Variants in EGFL7 observed in about 807,000 individuals in gnomAD.
The protein encoded by EGFL7 is EGF like domain multiple 7.
A neutral mutation model predicts 37.1 loss-of-function variants in EGFL7; 48 were observed. That is an observed-to-expected ratio of 1.29 (90% CI 1.03 to 1.65). The LOEUF is 1.65. Among genes scored for constraint, EGFL7 ranks in the 40% most tolerant of loss-of-function variants. The pLI is 0.00. For synonymous variants in EGFL7, 180 were observed against 156.8 expected, an observed-to-expected ratio of 1.15 and a Z score of -1.10; for missense variants, 384 against 378.9, an observed-to-expected ratio of 1.01 and a Z score of -0.11.
Position 136,663,467 on chromosome 9 carries a change from G to A in EGFL7, c.-293G>A, listed in dbSNP as rs1009549575. ...GGCTGGGCCCGCTGTGAGGGGCTTC[G>A]CGCTACGCCCTGCGGTGTCCCGAGG... On this transcript the variant is annotated 5_prime_UTR_variant, in exon 2 of 11. Coordinates refer to ENST00000308874, the MANE Select transcript of EGFL7 (RefSeq NM_016215.5). 4 of 152,310 alleles carry A rather than the reference G, an allele frequency of 2.6e-5. No homozygotes were observed. The highest frequency in any genetic ancestry group is 4.4e-5 in the Non-Finnish European group (3 of 68,102). 9.4% of individuals were successfully genotyped at this position (152,310 alleles called of 1,614,324 possible). A position where few individuals can be genotyped will look rare whatever the true frequency, so the allele number is the denominator to read the frequency against.
rs755000645 is a variant in EGFL7, at chr9:136,670,931, C to T, written c.572-19C>T. On this transcript the variant is annotated intron_variant, in intron 8 of 10. Coordinates refer to ENST00000308874, the MANE Select transcript of EGFL7 (RefSeq NM_016215.5). Reference sequence around the variant, plus strand: ...GGGGAGCCGGCCGGCCGTGACCCAGCGCCTGGCTCTGCCCGCAGGAGTGGA... The same window carrying T: ...GGGGAGCCGGCCGGCCGTGACCCAGTGCCTGGCTCTGCCCGCAGGAGTGGA... 15 of 1,550,746 alleles carry T rather than the reference C, an allele frequency of 9.7e-6. No homozygotes were observed. The highest frequency in any genetic ancestry group is 7.4e-5 in the East Asian group (3 of 40,798).
intron 3 of EGFL7, among the ~76,000 whole-genome samples, 184 bp from the exon 4 acceptor site, chr9:136,668,057 C>T (rs576419902): frequency 3.3e-5 from 5 of 152,156 alleles, no homozygotes; most frequent in Admixed American, 6.5e-5. Flanking sequence ...TTGTGCCTGG[C>T]GAGGGTCTGG....
chr9:136,666,344 G>T lies in EGFL7; in HGVS notation c.-43+1559G>T, dbSNP rs1845474827. Reference sequence around the variant, plus strand: ...CCAGGCCCCTCCCTCTGCGGACCCGGCCTCTCGCGGGTGGGGGCTGCGGGG... The same window carrying T: ...CCAGGCCCCTCCCTCTGCGGACCCGTCCTCTCGCGGGTGGGGGCTGCGGGG... On this transcript the variant is annotated intron_variant, in intron 3 of 10. Coordinates refer to ENST00000308874, the MANE Select transcript of EGFL7 (RefSeq NM_016215.5). This position sits in a 1 kb window ranked among gnomAD's most constrained non-coding sequence, Gnocchi z 6.8. Among the ~76,000 whole-genome samples the T allele has an allele frequency of 6.7e-6, 1 of 150,314 alleles. No homozygotes were observed. The highest frequency in any genetic ancestry group is 1.5e-5 in the Non-Finnish European group (1 of 67,482).
chr9:136,672,631 CAGT>C lies in EGFL7; in HGVS notation c.*346_*348del. The stretch of plus-strand genomic sequence containing the variant: ...GCAGCCCGGAGGCTGGGTGGGGCCT[CAGT>C]GGGGGCTGCTGCCTGACCCCCAGCA... On this transcript the variant is annotated 3_prime_UTR_variant, in exon 11 of 11. Transcript: ENST00000308874. The C allele has an allele frequency of 2.2e-6, 1 of 460,696 alleles. No homozygotes were observed. Among genetic ancestry groups the C allele is most frequent in the Non-Finnish European group, 3.9e-6 (1 of 254,812 alleles). 28.5% of individuals were successfully genotyped at this position (460,696 alleles called of 1,614,324 possible).
chr9:136,672,018 C>T lies in EGFL7; in HGVS notation c.729C>T (p.Ser243=), dbSNP rs191061482. Residue 243 remains serine (S), a synonymous_variant, in exon 10 of 11, where the codon TCC becomes TCT. Transcript: ENST00000308874. ...LPDPGSLLVH[S]FQQLGRIDSL... ...ACCCCGGCAGCCTCCTGGTGCACTC[C>T]TTCCAGCAGCTCGGCCGCATCGACT... is the stretch of plus-strand genomic sequence containing the variant. 1.3e-6 allele frequency: 2 copies of T among 1,544,612 alleles called. No homozygotes were observed. The highest frequency in any genetic ancestry group is 1.7e-6 in the Non-Finnish European group (2 of 1,146,826).
At position 136,671,023 on chromosome 9, in the gene EGFL7, TTGGTGGGGG is replaced by T. The variant is rs1845827611; in HGVS notation, c.636+10_636+18del. On this transcript the variant is annotated intron_variant, in intron 9 of 10. Transcript: ENST00000308874. ...TGGACCTGCTGGAGGAGGTGAGGCA[TTGGTGGGGG>T]GGGGGGGGGGCAGGCAGTCCAGGGT... The T allele has an allele frequency of 1.9e-5, 11 of 572,868 alleles. No individual in the cohort carries two copies. Among genetic ancestry groups the T allele is most frequent in the East Asian group, 2.3e-4 (2 of 8,874 alleles). The allele number at this position is 572,868 out of a possible 1,614,324, so 35.5% of individuals were successfully genotyped here.
At position 136,672,379 on chromosome 9, in the gene EGFL7, G is replaced by C; in HGVS notation, c.*93G>C. 1.3e-6 allele frequency: 2 copies of C among 1,535,246 alleles called. No individual in the cohort carries two copies. Among genetic ancestry groups the C allele is most frequent in the Non-Finnish European group, 9.0e-7 (1 of 1,112,270 alleles). ...ATGCTGGGGGTCCAGAAACCACCTC[G>C]GGGTGACTGAGCGGAAGGCCAGGCA... On this transcript the variant is annotated 3_prime_UTR_variant, in exon 11 of 11. Coordinates refer to ENST00000308874, the MANE Select transcript of EGFL7 (RefSeq NM_016215.5).
chr9:136,665,553 T>C (rs1280778796), intron 3 of EGFL7, among the ~76,000 whole-genome samples: 7 of 152,130 alleles, frequency 4.6e-5, no homozygotes, highest in Non-Finnish European at 8.8e-5. Flanking sequence ...CCGCGGGGAC[T>C]CGGGCCCCAG....
At chr9:136,662,799 G>C (rs976793579), upstream of EGFL7, 1 of 152,226 alleles carries the variant, frequency 6.6e-6, no homozygotes, top group African/African-American at 2.4e-5. Context: ...CTGTTTGTCC[G>C]ACGACACGTC....
At position 136,668,361 on chromosome 9, in the gene EGFL7, G is replaced by A. The variant is rs777137452; in HGVS notation, c.79G>A (p.Gly27Ser). Residue 27 changes from glycine (G) to serine (S), a missense_variant and splice_region_variant, in exon 4 of 11, where the codon GGC (glycine) becomes AGC (serine). By Grantham distance (56) the Gly-to-Ser change is moderately conservative. Coordinates refer to ENST00000308874, the MANE Select transcript of EGFL7 (RefSeq NM_016215.5). ...CGGCACAGAGCACGCCTACCGGCCC[G>A]GGTGAGCCAAGCCCTAGCCTGGGAG... The part of the protein sequence containing the change: ...VGGTEHAYRP[G>S]RRVCAVRAHG... 8.3e-5 allele frequency: 132 copies of A among 1,595,770 alleles called. No individual in the cohort carries two copies. The highest frequency in any genetic ancestry group is 6.3e-4 in the East Asian group (28 of 44,596).
At position 136,672,354 on chromosome 9, in the gene EGFL7, A is replaced by G. The variant is rs1845977117; in HGVS notation, c.*68A>G. 1 of 1,597,226 alleles carries G rather than the reference A, an allele frequency of 6.3e-7. No individual in the cohort carries two copies. On this transcript the variant is annotated 3_prime_UTR_variant, in exon 11 of 11. Transcript: ENST00000308874. Reference sequence around the variant, plus strand: ...TGCAGCCCCCATGCCCCTGCCCAACATGCTGGGGGTCCAGAAACCACCTCG... The same window carrying G: ...TGCAGCCCCCATGCCCCTGCCCAACGTGCTGGGGGTCCAGAAACCACCTCG...
At chr9:136,670,736 G>A (rs770377736) in intron 8 of EGFL7, 1 of 747,620 alleles carries the variant, frequency 1.3e-6, no homozygotes, top group Non-Finnish European at 2.5e-6. Flanking sequence ...CCTCAGCGTG[G>A]CCGGGACCCT....
chr9:136,670,069 C>G, intron 7 of EGFL7, 60 bp downstream of exon 7: 1 of 1,597,812 alleles, frequency 6.3e-7, no homozygotes, highest in South Asian at 1.1e-5. Flanking sequence ...CTTGCATGTC[C>G]TGGGGTTACT....
intron 2 of EGFL7, among the ~76,000 whole-genome samples, chr9:136,664,215 G>A (rs1845321074): frequency 6.6e-6 from 1 of 152,198 alleles, no homozygotes; most frequent in Non-Finnish European, 1.5e-5. Context: ...CGTGCCAGGG[G>A]CTTCCAGGGC....
At chr9:136,669,519 G>A (rs1478483668) in intron 5 of EGFL7, 87 bp from the exon 6 acceptor site, 6 of 956,132 alleles carry the variant, frequency 6.3e-6, no homozygotes, top group Non-Finnish European at 9.7e-6. Flanking sequence ...GGGTGACCCT[G>A]TGCACTCTGA....
intron 3 of EGFL7, among the ~76,000 whole-genome samples, chr9:136,665,574 G>T (rs1220771317): frequency 6.6e-6 from 1 of 152,148 alleles, no homozygotes; most frequent in African/African-American, 2.4e-5. Flanking sequence ...GATTCCCGGA[G>T]GGGGTGCTGG....
At chr9:136,658,934 T>C (rs1452811421), upstream of EGFL7, 1 of 152,126 alleles carries the variant, frequency 6.6e-6, no homozygotes, top group Non-Finnish European at 1.5e-5. Flanking sequence ...GCTGGAGCAG[T>C]GGGCAGCCCC....
intron 3 of EGFL7, chr9:136,665,752 T>G (rs1845424167): frequency 7.0e-6 from 1 of 142,016 alleles, no homozygotes; most frequent in Admixed American, 6.9e-5. Context: ...GGGGCGGGGC[T>G]CGGGGCCCCC....
rs1421907555 is a variant in EGFL7 at position 136,668,624 on chromosome 9, C to T, written c.148C>T (p.Gln50Ter). ...CGAGTCGTTCGTGCAGCGTGTGTAC[C>T]AGCCCTTCCTCACCACCTGCGACGG... Reference protein sequence around the residue: ...VSESFVQRVYQPFLTTCDGHR... With the variant: ...VSESFVQRVY The change falls in exon 5 of 11, where the codon CAG (glutamine) becomes TAG (stop). Residue 50 changes from glutamine to a stop codon, truncating the protein, a stop_gained. Transcript: ENST00000308874. LOFTEE classifies it high-confidence loss of function. 5 of 1,607,158 alleles carry T rather than the reference C, an allele frequency of 3.1e-6. No homozygotes were observed. The highest frequency in any genetic ancestry group is 4.2e-6 in the Non-Finnish European group (5 of 1,179,772).
Sources: gnomAD v4.1 joint callset for allele counts (sites outside exome capture counted in the v4.1 genomes callset) on GRCh38, gnomAD v4.1.1 for gene constraint, Gnocchi (gnomAD v3.1) non-coding constraint, MANE v1.5 for transcripts, NCBI Gene and HGNC (gene_info 2026-07-23, HGNC 2026-07-21) for gene names.